The following MEF2C variants were observed in gnomAD, a reference collection of about 807,000 sequenced individuals.
MEF2C encodes the protein myocyte-specific enhancer factor 2C.
In MEF2C, 6 loss-of-function variants were observed where a neutral mutation model predicts 50.5. The ratio of observed to expected loss-of-function variants is 0.12; its 90% confidence interval spans 0.07 to 0.23. The LOEUF (loss-of-function observed/expected upper bound fraction) is 0.23, where lower values mean the gene tolerates loss of function less well. Ranked by LOEUF, MEF2C falls within the 10% of genes least tolerant of loss-of-function variation. The pLI is 1.00. For missense variants in MEF2C, 276 were observed against 605.0 expected (o/e 0.46, Z 5.70); for synonymous variants, 183 against 228.0 (o/e 0.80, Z 1.78).
intron 2 of MEF2C, among the ~76,000 whole-genome samples, chr5:88,809,289 A>G (rs546377466): frequency 9.8e-5 from 15 of 152,300 alleles, no homozygotes; most frequent in African/African-American, 3.4e-4. Context: ...CATTAAATAT[A>G]GCACCATACA....
intron 1 of MEF2C, among the ~76,000 whole-genome samples, chr5:88,868,661 T>C (rs535541738): frequency 2.6e-5 from 4 of 152,292 alleles, no homozygotes; most frequent in South Asian, 2.1e-4. Context: ...AGAGAGGCTA[T>C]GACAACCCAC....
At chr5:88,772,864 A>AT in intron 3 of MEF2C, 2 of 985,444 alleles carry the variant, frequency 2.0e-6, no homozygotes, top group South Asian at 9.4e-5. Flanking sequence ...TCCCCAGTTA[A>AT]TATGCCCTGT....
chr5:88,863,550 A>C (rs1421317090), intron 1 of MEF2C, among the ~76,000 whole-genome samples: 1 of 152,232 alleles, frequency 6.6e-6, no homozygotes, highest in Non-Finnish European at 1.5e-5. Context: ...AACTATAGTC[A>C]ACACACTGTG....
At chr5:88,862,313 A>C (rs1167062170) in intron 1 of MEF2C, among the ~76,000 whole-genome samples, 3 of 151,796 alleles carry the variant, frequency 2.0e-5, no homozygotes, top group African/African-American at 7.3e-5. Context: ...CATACACACA[A>C]ACACACACAC....
intron 1 of MEF2C, among the ~76,000 whole-genome samples, chr5:88,841,148 C>G (rs1309067341): frequency 2.0e-5 from 3 of 152,090 alleles, no homozygotes; most frequent in Non-Finnish European, 4.4e-5. Context: ...AGTCTTTACT[C>G]AAAAATTCTT....
intron 1 of MEF2C, among the ~76,000 whole-genome samples, chr5:88,871,788 CTTTAT>C (rs1829587519): frequency 1.3e-5 from 2 of 151,998 alleles, no homozygotes; most frequent in Non-Finnish European, 2.9e-5. Flanking sequence ...ATTTTCTATA[CTTTAT>C]GTTTTTTTCT....
chr5:88,829,867 A>G (rs1171545003), intron 1 of MEF2C, among the ~76,000 whole-genome samples: 1 of 152,048 alleles, frequency 6.6e-6, no homozygotes, highest in South Asian at 2.1e-4. Context: ...CTTCATTTGT[A>G]GGATGGTTAT....
chr5:88,852,375 T>C (rs1821691773), intron 1 of MEF2C, among the ~76,000 whole-genome samples: 2 of 152,182 alleles, frequency 1.3e-5, no homozygotes, highest in Admixed American at 1.3e-4. Flanking sequence ...GTAGTCAGAA[T>C]TGCACTCTAA....
intron 2 of MEF2C, among the ~76,000 whole-genome samples, chr5:88,813,212 T>C (rs570163053): frequency 1.6e-4 from 24 of 152,160 alleles, no homozygotes; most frequent in African/African-American, 5.3e-4. Context: ...TCTATATTTA[T>C]GGATGTTTAT....
intron 1 of MEF2C, among the ~76,000 whole-genome samples, chr5:88,891,078 G>A (rs1458685179): frequency 6.6e-6 from 1 of 152,196 alleles, no homozygotes; most frequent in African/African-American, 2.4e-5. Flanking sequence ...AACAAAGAAT[G>A]AGGAGCATGG....
intron 1 of MEF2C, among the ~76,000 whole-genome samples, chr5:88,880,236 T>C (rs928039664): frequency 2.0e-5 from 3 of 152,196 alleles, no homozygotes; most frequent in Admixed American, 6.5e-5. Context: ...GTGTGGTATT[T>C]TCTCAGAGGA....
At chr5:88,866,204 A>G (rs547529351) in intron 1 of MEF2C, among the ~76,000 whole-genome samples, 3 of 152,184 alleles carry the variant, frequency 2.0e-5, no homozygotes, top group Non-Finnish European at 4.4e-5. Flanking sequence ...CCCAAGTCAC[A>G]TTTCAAATAG....
At chr5:88,787,384 G>A (rs1791453966) in intron 3 of MEF2C, among the ~76,000 whole-genome samples, 1 of 152,264 alleles carries the variant, frequency 6.6e-6, no homozygotes, top group East Asian at 1.9e-4. Context: ...GGCTCTGACA[G>A]CTGTTATAAC....
In MEF2C at chr5:88,781,152, C is replaced by T. The variant is rs753051855; in HGVS notation, c.259-19824G>A. Among the ~76,000 whole-genome samples, 4 of 152,000 alleles carry T rather than the reference C, an allele frequency of 2.6e-5. No homozygotes were observed. The East Asian group carries it at 7.7e-4, about 29-fold the overall frequency. ...ACCTTATTTCTGAAGAATTTCATCA[C>T]GTTATTACACAAGAAATATACATAC... On this transcript the variant is annotated intron_variant, in intron 3 of 10. Transcript: ENST00000504921.
At chr5:88,884,426 G>C (rs777237657), upstream of MEF2C, 1 of 152,204 alleles carries the variant, frequency 6.6e-6, no homozygotes, top group Non-Finnish European at 1.5e-5. Context: ...AGGTTGGAGC[G>C]CTAGAAAGCG....
At chr5:88,871,769 C>T (rs1353523231) in intron 1 of MEF2C, among the ~76,000 whole-genome samples, 2 of 152,060 alleles carry the variant, frequency 1.3e-5, no homozygotes, top group Non-Finnish European at 2.9e-5. Context: ...TCCTCAGGTA[C>T]AATTCTGCAT....
rs774945849 is a variant in MEF2C at position 88,752,023 on chromosome 5, G to A, written c.423C>T (p.Phe141=). 12 of 1,609,350 alleles carry A rather than the reference G, an allele frequency of 7.5e-6. No individual in the cohort carries two copies. The highest frequency in any genetic ancestry group is 6.7e-5 in the East Asian group (3 of 44,800). Reference sequence around the variant, plus strand: ...ACACTGGGATGGAGACTGGCATCTCGAAGTTGGGAGGTGGAACAGCCTGCA... The same window carrying A: ...ACACTGGGATGGAGACTGGCATCTCAAAGTTGGGAGGTGGAACAGCCTGCA... ...QRLCAVPPPN[F]EMPVSIPVSS... is the part of the protein sequence containing the mutation. The change falls in exon 5 of 11, where the codon TTC becomes TTT. Residue 141 remains phenylalanine (F), a synonymous_variant. Transcript: ENST00000504921.
At chr5:88,835,580 G>A (rs1241825832) in intron 1 of MEF2C, among the ~76,000 whole-genome samples, 1 of 152,038 alleles carries the variant, frequency 6.6e-6, no homozygotes, top group African/African-American at 2.4e-5. Context: ...GAGAGGCCGA[G>A]GCATGTGGAT....
intron 1 of MEF2C, among the ~76,000 whole-genome samples, chr5:88,861,223 T>C (rs1474214793): frequency 6.6e-6 from 1 of 152,208 alleles, no homozygotes; most frequent in African/African-American, 2.4e-5. Context: ...CTAACAGTAG[T>C]TCTTAATGCT....
Sources: allele counts gnomAD v4.1 joint callset (sites outside exome capture counted in the v4.1 genomes callset), GRCh38; gene constraint gnomAD v4.1.1; transcripts MANE v1.5; gene names NCBI Gene and HGNC (gene_info 2026-07-23, HGNC 2026-07-21).